HELZ: variants seen among roughly 807,000 people sequenced by gnomAD.
The protein encoded by HELZ is helicase with zinc finger, also known as ATP-dependent RNA helicase with zinc finger domain.
In HELZ, 23 loss-of-function variants were observed where a neutral mutation model predicts 218.2. The ratio of observed to expected loss-of-function variants is 0.11; its 90% confidence interval spans 0.08 to 0.15. The LOEUF (loss-of-function observed/expected upper bound fraction) is 0.15, where lower values mean the gene tolerates loss of function less well. Ranked by LOEUF, HELZ falls within the 10% of genes least tolerant of loss-of-function variation. HELZ has a pLI of 1.00. For missense variants in HELZ, 1,813 were observed against 2,353.7 expected (o/e 0.77, Z 4.75); for synonymous variants, 814 against 829.4 (o/e 0.98, Z 0.32).
Position 67,076,011 on chromosome 17 carries a change from T to TA in HELZ, c.*2240_*2241insT, listed in dbSNP as rs2036008698. ...CTTAACTAAATATAAATATAAATAATTTAAAAACTGATATTTTTTAAAGAT... is the reference window on the plus strand; with the variant it reads ...CTTAACTAAATATAAATATAAATAATATTAAAAACTGATATTTTTTAAAGAT... On this transcript the variant is annotated 3_prime_UTR_variant, in exon 33 of 33. Coordinates refer to ENST00000358691, the MANE Select transcript of HELZ (RefSeq NM_014877.4). 1 of 152,570 alleles carries TA rather than the reference T, an allele frequency of 6.6e-6. No individual in the cohort carries two copies. The highest frequency in any genetic ancestry group is 2.1e-4 in the South Asian group (1 of 4,820). 9.5% of individuals were successfully genotyped at this position (152,570 alleles called of 1,614,324 possible). A position where few individuals can be genotyped will look rare whatever the true frequency, so the allele number is the denominator to read the frequency against.
At chr17:67,237,064 G>A (rs11079684) in intron 3 of HELZ, among the ~76,000 whole-genome samples, 41,864 of 152,168 alleles carry the variant, frequency 0.28, 7,328 homozygotes, top group East Asian at 0.69. Flanking sequence ...ACCTGGCCGG[G>A]CGTAGTGGTT....
intron 3 of HELZ, among the ~76,000 whole-genome samples, chr17:67,234,292 CAAAAAAA>C (rs149931184): frequency 1.2e-5 from 1 of 83,216 alleles, no homozygotes; most frequent in Non-Finnish European, 2.6e-5. Flanking sequence ...CACTGTACTC[CAAAAAAA>C]AAAAAAAAAG....
chr17:67,155,853 A>G (rs1289701551), intron 17 of HELZ, among the ~76,000 whole-genome samples: 1 of 151,544 alleles, frequency 6.6e-6, no homozygotes, highest in South Asian at 2.1e-4. Flanking sequence ...GAAAAAAAAA[A>G]AAGAAGCTAC....
At chr17:67,215,862 T>A (rs772225684) in intron 5 of HELZ, 37 bp downstream of exon 5, 1 of 1,363,420 alleles carries the variant, frequency 7.3e-7, no homozygotes, top group South Asian at 1.2e-5. Context: ...TTAAACATTG[T>A]TCAATTCAAT....
At chr17:67,084,489 C>A (rs143812820) in intron 32 of HELZ, among the ~76,000 whole-genome samples, 1 of 151,554 alleles carries the variant, frequency 6.6e-6, no homozygotes, top group Non-Finnish European at 1.5e-5. Context: ...AGTGAAACCC[C>A]GTCTCTACTA....
At chr17:67,139,882 G>A (rs1306350711) in intron 21 of HELZ, among the ~76,000 whole-genome samples, 1 of 152,154 alleles carries the variant, frequency 6.6e-6, no homozygotes, top group Admixed American at 6.5e-5. Flanking sequence ...GCTGCAGAAG[G>A]CCTATGATAA....
At chr17:67,123,880 C>T in intron 25 of HELZ, 83 bp downstream of exon 25, 2 of 866,520 alleles carry the variant, frequency 2.3e-6, no homozygotes, top group African/African-American at 1.7e-5. Flanking sequence ...CATCTCCCCA[C>T]CCTCCTCTTT....
chr17:67,215,591 C>T (rs531452431), intron 5 of HELZ, among the ~76,000 whole-genome samples: 17 of 152,262 alleles, frequency 1.1e-4, no homozygotes, highest in African/African-American at 3.9e-4. Context: ...TTGTGATCTG[C>T]CCGCCTCAGC....
chr17:67,168,400 T>C (rs2039213335), intron 13 of HELZ, among the ~76,000 whole-genome samples: 1 of 152,212 alleles, frequency 6.6e-6, no homozygotes, highest in Non-Finnish European at 1.5e-5. Flanking sequence ...AACTAAATGT[T>C]GTTTTTTAAG....
At chr17:67,132,308 TA>T (rs2038013051) in intron 23 of HELZ, among the ~76,000 whole-genome samples, 1 of 151,840 alleles carries the variant, frequency 6.6e-6, no homozygotes. Flanking sequence ...ACAGAGTAAA[TA>T]AAATGTGCTA....
chr17:67,197,453 C>A (rs976772607), intron 7 of HELZ, among the ~76,000 whole-genome samples: 1 of 152,170 alleles, frequency 6.6e-6, no homozygotes. Context: ...CTTCTGCCCC[C>A]CTGATTTCCC....
At chr17:67,136,743 G>A (rs1240110825) in intron 22 of HELZ, among the ~76,000 whole-genome samples, 2 of 152,274 alleles carry the variant, frequency 1.3e-5, no homozygotes, top group East Asian at 3.9e-4. Flanking sequence ...AGCTAGAACA[G>A]TCAAATTCAT....
chr17:67,133,779 T>C (rs919237738), intron 23 of HELZ, among the ~76,000 whole-genome samples: 1 of 152,132 alleles, frequency 6.6e-6, no homozygotes, highest in Admixed American at 6.5e-5. Context: ...CCTCTCAGAG[T>C]GCTGGGATTA....
chr17:67,166,946 A>C (rs2039163798), intron 14 of HELZ, among the ~76,000 whole-genome samples: 1 of 152,186 alleles, frequency 6.6e-6, no homozygotes, highest in South Asian at 2.1e-4. Flanking sequence ...ATTCCCATGA[A>C]AATACTTTTG....
chr17:67,235,239 G>A (rs1461355438), intron 3 of HELZ, among the ~76,000 whole-genome samples: 2 of 152,078 alleles, frequency 1.3e-5, no homozygotes, highest in African/African-American at 2.4e-5. Context: ...GGGCGCGGTG[G>A]CTCACACCTG....
intron 1 of HELZ, chr17:67,244,766 G>A (rs2041429026): frequency 1.0e-6 from 1 of 985,180 alleles, no homozygotes; most frequent in Admixed American, 6.1e-5. Context: ...CCCACCCCCA[G>A]CCGCGACCCG....
At position 67,077,241 on chromosome 17, in the gene HELZ, G is replaced by A. The variant is rs536958898; in HGVS notation, c.*1011C>T. On this transcript the variant is annotated 3_prime_UTR_variant, in exon 33 of 33. Transcript: ENST00000358691. Reference sequence around the variant, plus strand: ...GCTAGCAAAATATTTGAATTGCCACGTATAATGTCACATTTTAATGTAAAC... The same window carrying A: ...GCTAGCAAAATATTTGAATTGCCACATATAATGTCACATTTTAATGTAAAC... 8 of 152,468 alleles carry A rather than the reference G, an allele frequency of 5.2e-5. No homozygotes were observed. Among genetic ancestry groups the A allele is most frequent in the South Asian group, 2.1e-4 (1 of 4,816 alleles). 9.4% of individuals were successfully genotyped at this position (152,468 alleles called of 1,614,324 possible).
chr17:67,191,931 C>A (rs981419622), intron 9 of HELZ, among the ~76,000 whole-genome samples: 1 of 151,786 alleles, frequency 6.6e-6, no homozygotes, highest in Admixed American at 6.6e-5. Flanking sequence ...TGGCCGGGCA[C>A]AGTGGCTCAC....
At chr17:67,152,967 C>T (rs772729959) in intron 17 of HELZ, among the ~76,000 whole-genome samples, 4 of 151,936 alleles carry the variant, frequency 2.6e-5, no homozygotes, top group African/African-American at 4.8e-5. Context: ...TAAGAGGCTA[C>T]GTAAAATGAA....
Sources: allele counts gnomAD v4.1 joint callset (sites outside exome capture counted in the v4.1 genomes callset), GRCh38; gene constraint gnomAD v4.1.1; transcripts MANE v1.5; gene names NCBI Gene and HGNC (gene_info 2026-07-23, HGNC 2026-07-21).